SLCO1B1: variants seen among roughly 807,000 people sequenced by gnomAD.
SLCO1B1 encodes the protein solute carrier organic anion transporter family member 1B1.
In SLCO1B1, 81 loss-of-function variants were observed where a neutral mutation model predicts 70.1. That is an observed-to-expected ratio of 1.16 (90% CI 0.97 to 1.39). SLCO1B1 has a LOEUF of 1.39. Ranked by LOEUF, SLCO1B1 falls within the 40% of genes most tolerant of loss-of-function variation. The pLI, the probability that SLCO1B1 is intolerant of heterozygous loss-of-function variation, is 0.00. For synonymous variants in SLCO1B1, 283 were observed against 271.5 expected, an observed-to-expected ratio of 1.04 and a Z score of -0.42; for missense variants, 895 against 799.6, an observed-to-expected ratio of 1.12 and a Z score of -1.44.
intron 2 of SLCO1B1, among the ~76,000 whole-genome samples, chr12:21,156,349 G>T (rs941609654): frequency 2.0e-5 from 3 of 152,016 alleles, no homozygotes; most frequent in African/African-American, 7.2e-5. Flanking sequence ...TTAAGTAAAA[G>T]AACCTTAAAA....
chr12:21,206,669 C>A (rs1262688798), intron 11 of SLCO1B1, among the ~76,000 whole-genome samples: 1 of 151,892 alleles, frequency 6.6e-6, no homozygotes, highest in Non-Finnish European at 1.5e-5. Flanking sequence ...TTATTCCGTC[C>A]TGCAAAACCT....
intron 11 of SLCO1B1, among the ~76,000 whole-genome samples, chr12:21,209,571 C>G (rs930462849): frequency 1.3e-5 from 2 of 152,106 alleles, no homozygotes; most frequent in Admixed American, 6.6e-5. Flanking sequence ...TGGGTATATA[C>G]CCAGTAATGG....
chr12:21,228,960 T>C (rs1941505956), intron 14 of SLCO1B1, among the ~76,000 whole-genome samples: 1 of 152,002 alleles, frequency 6.6e-6, no homozygotes, highest in Non-Finnish European at 1.5e-5. Context: ...ACTTTCCTTT[T>C]GGTCACTTGT....
At chr12:21,234,819 A>C (rs751770788) in intron 14 of SLCO1B1, among the ~76,000 whole-genome samples, 2 of 152,192 alleles carry the variant, frequency 1.3e-5, no homozygotes, top group Non-Finnish European at 2.9e-5. Flanking sequence ...TTCAGGACCA[A>C]GTTATACAGA....
At chr12:21,182,717 G>A (rs1356577458) in intron 7 of SLCO1B1, among the ~76,000 whole-genome samples, 1 of 152,172 alleles carries the variant, frequency 6.6e-6, no homozygotes, top group African/African-American at 2.4e-5. Flanking sequence ...GCCAGACAGT[G>A]GAGACACAGG....
At chr12:21,155,377 T>A (rs987364300) in intron 2 of SLCO1B1, among the ~76,000 whole-genome samples, 3 of 152,112 alleles carry the variant, frequency 2.0e-5, no homozygotes, top group Non-Finnish European at 4.4e-5. Flanking sequence ...ATTTTCTACT[T>A]GTTCTTTTTT....
chr12:21,172,686 A>G lies in SLCO1B1; in HGVS notation c.121A>G (p.Lys41Glu). 6.2e-7 allele frequency: 1 copy of G among 1,613,846 alleles called. No homozygotes were observed. The highest frequency in any genetic ancestry group is 8.5e-7 in the Non-Finnish European group (1 of 1,179,864). Reference protein sequence around the residue: ...LAALSLSFIAKTLGAIIMKSS... With the variant: ...LAALSLSFIAETLGAIIMKSS... ...AGCTCTGTCACTCAGCTTTATTGCT[A>G]AGACACTAGGTGCAATTATTATGAA... Residue 41 changes from lysine (K) to glutamate (E), a missense_variant, in exon 3 of 15, where the codon AAG becomes GAG. Transcript: ENST00000256958.
intron 14 of SLCO1B1, among the ~76,000 whole-genome samples, chr12:21,234,291 G>A (rs1371401186): frequency 1.3e-5 from 2 of 152,148 alleles, no homozygotes; most frequent in African/African-American, 4.8e-5. Flanking sequence ...CATCTGTGAA[G>A]TTCAGGATCT....
chr12:21,160,887 T>C (rs182147001), intron 2 of SLCO1B1, among the ~76,000 whole-genome samples: 2 of 152,044 alleles, frequency 1.3e-5, no homozygotes, highest in East Asian at 1.9e-4. Context: ...GACATACACA[T>C]GGCCAACAAG....
chr12:21,159,048 T>C (rs1940578588), intron 2 of SLCO1B1, among the ~76,000 whole-genome samples: 1 of 152,170 alleles, frequency 6.6e-6, no homozygotes, highest in African/African-American at 2.4e-5. Context: ...AACATTTACA[T>C]ATATATGAAT....
At chr12:21,148,539 C>G (rs1940419404) in intron 2 of SLCO1B1, among the ~76,000 whole-genome samples, 1 of 152,022 alleles carries the variant, frequency 6.6e-6, no homozygotes, top group Admixed American at 6.5e-5. Flanking sequence ...GGCATTATTT[C>G]TGAGGTCTCT....
intron 14 of SLCO1B1, among the ~76,000 whole-genome samples, chr12:21,233,294 G>C (rs1941560957): frequency 1.3e-5 from 2 of 152,098 alleles, no homozygotes; most frequent in African/African-American, 4.8e-5. Context: ...TGAGTTAGGT[G>C]TCCTAGACTT....
intron 7 of SLCO1B1, among the ~76,000 whole-genome samples, chr12:21,191,272 A>T (rs1330310654): frequency 1.3e-5 from 2 of 151,966 alleles, no homozygotes; most frequent in African/African-American, 4.8e-5. Context: ...ATTAACACAG[A>T]ATGTCTTTCT....
At chr12:21,181,114 G>C (rs1355630364) in intron 7 of SLCO1B1, among the ~76,000 whole-genome samples, 2 of 152,182 alleles carry the variant, frequency 1.3e-5, no homozygotes, top group Non-Finnish European at 2.9e-5. Flanking sequence ...GCATCCAAAA[G>C]CACTTGTGTT....
chr12:21,152,634 G>A (rs1399321657), intron 2 of SLCO1B1, among the ~76,000 whole-genome samples: 1 of 145,824 alleles, frequency 6.9e-6, no homozygotes, highest in Non-Finnish European at 1.5e-5. Flanking sequence ...GAGTGAGATG[G>A]ATTTTGGTAT....
chr12:21,191,390 A>C (rs11045840), intron 7 of SLCO1B1, among the ~76,000 whole-genome samples: 1,586 of 152,188 alleles, frequency 0.01, 36 homozygotes, highest in South Asian at 0.039. Flanking sequence ...ATTTTAGTGT[A>C]AATGGAATTG....
chr12:21,171,920 C>T (rs908934581), intron 2 of SLCO1B1, among the ~76,000 whole-genome samples: 22 of 151,978 alleles, frequency 1.4e-4, no homozygotes, highest in African/African-American at 5.1e-4. Flanking sequence ...AAGAGGGCTC[C>T]ATTCTCATGA....
At chr12:21,145,856 A>G (rs1328733848) in intron 2 of SLCO1B1, among the ~76,000 whole-genome samples, 1 of 152,048 alleles carries the variant, frequency 6.6e-6, no homozygotes, top group African/African-American at 2.4e-5. Flanking sequence ...ACATTTGCCT[A>G]TTTCCAAGTT....
intron 7 of SLCO1B1, among the ~76,000 whole-genome samples, chr12:21,196,600 G>A (rs1395700675): frequency 1.3e-5 from 2 of 152,044 alleles, no homozygotes; most frequent in Non-Finnish European, 2.9e-5. Flanking sequence ...GACATTTTCA[G>A]ACAACAATGA....
Sources: allele counts gnomAD v4.1 joint callset (sites outside exome capture counted in the v4.1 genomes callset), GRCh38; gene constraint gnomAD v4.1.1; transcripts MANE v1.5; gene names NCBI Gene and HGNC (gene_info 2026-07-23, HGNC 2026-07-21).